Variants in TMEM150C observed in about 807,000 individuals in gnomAD.
TMEM150C encodes transmembrane protein 150C.
In TMEM150C, 10 loss-of-function variants were observed where a neutral mutation model predicts 29.9. The ratio of observed to expected loss-of-function variants is 0.33; its 90% CI spans 0.21 to 0.57. The LOEUF (loss-of-function observed/expected upper bound fraction) is 0.57. TMEM150C is among the 20% of genes least tolerant of loss of function. The probability of loss-of-function intolerance (pLI) is 0.88; values close to 1 mark genes in which losing one functional copy is unlikely to be tolerated. For synonymous variants in TMEM150C, 101 were observed against 112.5 expected (o/e 0.90, Z 0.64); for missense variants, 251 against 303.6 (o/e 0.83, Z 1.29).
intron 1 of TMEM150C, among the ~76,000 whole-genome samples, chr4:82,534,256 G>A (rs1202960270): frequency 6.6e-6 from 1 of 152,110 alleles, no homozygotes; most frequent in South Asian, 2.1e-4. Flanking sequence ...TAAAGGAGGA[G>A]GCAAAAATAA....
intron 2 of TMEM150C, among the ~76,000 whole-genome samples, chr4:82,503,970 T>C (rs1723819105): frequency 6.6e-6 from 1 of 152,190 alleles, no homozygotes; most frequent in African/African-American, 2.4e-5. Flanking sequence ...TTCGAAAATC[T>C]TGCAAATAAT....
chr4:82,506,455 T>C lies in TMEM150C; in HGVS notation c.-10-1788A>G, dbSNP rs571510316. ...TAGTTTACAGATCTAAATTACAGAA[T>C]AGAGTTGAAAGATATTAGAGCCACT... On this transcript the variant is annotated intron_variant, in intron 1 of 7. Coordinates refer to ENST00000449862, the MANE Select transcript of TMEM150C (RefSeq NM_001080506.3). 1.4e-4 allele frequency among the ~76,000 whole-genome samples: 22 copies of C among 152,340 alleles called. No homozygotes were observed. The East Asian group carries it at 4.2e-3, about 29-fold the overall frequency.
chr4:82,540,395 TGA>T (rs1260325985), intron 1 of TMEM150C, among the ~76,000 whole-genome samples: 1 of 151,984 alleles, frequency 6.6e-6, no homozygotes, highest in African/African-American at 2.4e-5. Flanking sequence ...GAACACAGTG[TGA>T]GCAACCGCGC....
At chr4:82,518,310 C>T (rs1724362604) in intron 1 of TMEM150C, among the ~76,000 whole-genome samples, 1 of 150,818 alleles carries the variant, frequency 6.6e-6, no homozygotes, top group African/African-American at 2.4e-5. Flanking sequence ...AGCGAGACCC[C>T]ATCTCAAAAA....
At chr4:82,506,487 A>G (rs763102921) in intron 1 of TMEM150C, among the ~76,000 whole-genome samples, 2 of 152,246 alleles carry the variant, frequency 1.3e-5, no homozygotes, top group African/African-American at 2.4e-5. Context: ...CACTTTCAAT[A>G]ATTTAATTTG....
At chr4:82,494,930 C>A in intron 6 of TMEM150C, 2 of 558,858 alleles carry the variant, frequency 3.6e-6, no homozygotes, top group Non-Finnish European at 6.8e-6. Flanking sequence ...TCTCTTTAGC[C>A]TCCTTCATTC....
At chr4:82,541,366 T>A (rs757758950) in intron 1 of TMEM150C, among the ~76,000 whole-genome samples, 3 of 152,092 alleles carry the variant, frequency 2.0e-5, no homozygotes, top group Non-Finnish European at 4.4e-5. Flanking sequence ...CATCTACACA[T>A]CTATACAGCT....
chr4:82,511,138 A>G (rs922998614), intron 1 of TMEM150C, among the ~76,000 whole-genome samples: 2 of 152,200 alleles, frequency 1.3e-5, no homozygotes, highest in African/African-American at 4.8e-5. Flanking sequence ...ACCTGGTGTC[A>G]CTTTAAGAGT....
chr4:82,490,153 A>G lies in TMEM150C; in HGVS notation c.449T>C (p.Leu150Pro), dbSNP rs773317343. The G allele has an allele frequency of 6.2e-7, 1 of 1,614,028 alleles. No individual in the cohort carries two copies. The highest frequency in any genetic ancestry group is 2.2e-5 in the East Asian group (1 of 44,888). ...GTLTCWIQAA[L>P]TLKVNIKNEG... ...ATTCTTGATGTTGACCTTGAGTGTC[A>G]GCGCAGCCTGGATCCAGCAGGTCAA... is the stretch of plus-strand genomic sequence containing the variant. Residue 150 changes from leucine (L) to proline (P), a missense_variant, in exon 7 of 8, where the codon CTG becomes CCG. Leu to Pro is a moderately conservative substitution (Grantham distance 98, BLOSUM62 -3). Transcript: ENST00000449862.
chr4:82,514,152 G>A (rs940816337), intron 1 of TMEM150C, among the ~76,000 whole-genome samples: 1 of 152,234 alleles, frequency 6.6e-6, no homozygotes, highest in Non-Finnish European at 1.5e-5. Context: ...CCAAGAGCAT[G>A]AGCAAGGGCT....
At chr4:82,551,627 T>G (rs1203623565) in intron 1 of TMEM150C, among the ~76,000 whole-genome samples, 1 of 152,172 alleles carries the variant, frequency 6.6e-6, no homozygotes, top group Admixed American at 6.5e-5. Flanking sequence ...ACGTGACTAC[T>G]CTTTTTGATC....
intron 1 of TMEM150C, among the ~76,000 whole-genome samples, chr4:82,519,175 T>C (rs972789551): frequency 1.3e-5 from 2 of 152,170 alleles, no homozygotes; most frequent in African/African-American, 4.8e-5. Flanking sequence ...CTCACTTCTT[T>C]TGTTGTAAAT....
chr4:82,511,385 T>C (rs1724117235), intron 1 of TMEM150C, among the ~76,000 whole-genome samples: 1 of 151,978 alleles, frequency 6.6e-6, no homozygotes, highest in South Asian at 2.1e-4. Flanking sequence ...AACTGATAGA[T>C]GACTATAGGA....
chr4:82,505,890 G>A (rs909554031), intron 1 of TMEM150C, among the ~76,000 whole-genome samples: 16 of 152,114 alleles, frequency 1.1e-4, no homozygotes, highest in African/African-American at 3.6e-4. Context: ...TGCCTTAACT[G>A]CCAGACAAAA....
intron 1 of TMEM150C, among the ~76,000 whole-genome samples, chr4:82,555,127 G>A (rs1462790525): frequency 1.3e-5 from 2 of 152,154 alleles, no homozygotes; most frequent in Non-Finnish European, 2.9e-5. Context: ...TTTCTAGATT[G>A]CACTGGAGAA....
chr4:82,562,061 C>A (rs1725958013), upstream of TMEM150C: 3 of 1,153,168 alleles, frequency 2.6e-6, no homozygotes, highest in Non-Finnish European at 2.2e-6. Flanking sequence ...CGCCGGGGCC[C>A]GCCCCCGACT....
chr4:82,504,649 C>G lies in TMEM150C; in HGVS notation c.9G>C (p.Gly3=). The change falls in exon 2 of 8, where the codon GGG becomes GGC. Residue 3 remains glycine (G), a synonymous_variant. Coordinates refer to ENST00000449862, the MANE Select transcript of TMEM150C (RefSeq NM_001080506.3). Reference sequence around the variant, plus strand: ...GGAACATCCATACGCTGCATTTCTTCCCATCCATGCCTGTACCACTGAAAT... The same window carrying G: ...GGAACATCCATACGCTGCATTTCTTGCCATCCATGCCTGTACCACTGAAAT... The part of the protein sequence containing the change: MD[G]KKCSVWMFLP... The G allele has an allele frequency of 6.2e-7, 1 of 1,613,044 alleles. No homozygotes were observed. The highest frequency in any genetic ancestry group is 8.5e-7 in the Non-Finnish European group (1 of 1,179,198).
chr4:82,520,984 C>A (rs1055765506), intron 1 of TMEM150C, among the ~76,000 whole-genome samples: 2 of 152,188 alleles, frequency 1.3e-5, no homozygotes, highest in African/African-American at 4.8e-5. Context: ...TCCAGCCATT[C>A]CAGTCTCCTT....
intron 1 of TMEM150C, among the ~76,000 whole-genome samples, chr4:82,553,792 A>G (rs995009105): frequency 1.3e-5 from 2 of 152,226 alleles, no homozygotes; most frequent in African/African-American, 4.8e-5. Context: ...AAAGATCACG[A>G]TATGCCACTA....
Sources: gnomAD v4.1 joint callset for allele counts (sites outside exome capture counted in the v4.1 genomes callset) on GRCh38, gnomAD v4.1.1 for gene constraint, MANE v1.5 for transcripts, NCBI Gene and HGNC (gene_info 2026-07-23, HGNC 2026-07-21) for gene names.